Variants in PLEKHA3 observed in about 807,000 individuals in gnomAD.
PLEKHA3 encodes pleckstrin homology domain-containing family A member 3.
In PLEKHA3, 19 loss-of-function variants were observed where a neutral mutation model predicts 39.2. The ratio of observed to expected loss-of-function variants is 0.48; its 90% CI spans 0.34 to 0.71. PLEKHA3 has a LOEUF of 0.71. Ranked by LOEUF, PLEKHA3 falls within the 30% of genes least tolerant of loss-of-function variation. PLEKHA3 has a pLI of 0.01. For missense variants in PLEKHA3, 253 were observed against 359.5 expected (o/e 0.70, Z 2.40); for synonymous variants, 97 against 118.6 (o/e 0.82, Z 1.18).
chr2:178,507,658 G>GTTTTTTTTTTTTTTTTTTTTT lies in PLEKHA3; in HGVS notation c.*3787_*3807dup, dbSNP rs35052196. ...CCTTTAGTTTTTAGTCTCACATTAG[G>GTTTTTTTTTTTTTTTTTTTTT]TTTTTTTTTTTTTTTTTTTTTTTTT... is the stretch of plus-strand genomic sequence containing the variant. On this transcript the variant is annotated 3_prime_UTR_variant, in exon 8 of 8. Coordinates refer to ENST00000234453, the MANE Select transcript of PLEKHA3 (RefSeq NM_019091.4). 2.8e-4 allele frequency: 8 copies of GTTTTTTTTTTTTTTTTTTTTT among 28,816 alleles called. 3 individuals are homozygous for GTTTTTTTTTTTTTTTTTTTTT. Among genetic ancestry groups the GTTTTTTTTTTTTTTTTTTTTT allele is most frequent in the African/African-American group, 4.8e-4 (5 of 10,516 alleles). The allele number at this position is 28,816 out of a possible 1,614,324, so 1.8% of individuals were successfully genotyped here.
At chr2:178,481,966 G>A (rs1685172945) in intron 1 of PLEKHA3, 1 of 153,548 alleles carries the variant, frequency 6.5e-6, no homozygotes. Context: ...CTGATCTTGT[G>A]CAAAATGTGC....
At chr2:178,495,101 G>A (rs1006625592) in intron 4 of PLEKHA3, among the ~76,000 whole-genome samples, 14 of 152,060 alleles carry the variant, frequency 9.2e-5, no homozygotes, top group Admixed American at 9.2e-4. Context: ...TAGAGGGTAG[G>A]CATGAATTGT....
intron 6 of PLEKHA3, among the ~76,000 whole-genome samples, chr2:178,500,557 T>A (rs1685515317): frequency 6.6e-6 from 1 of 152,122 alleles, no homozygotes; most frequent in African/African-American, 2.4e-5. Flanking sequence ...GGTGATTTGC[T>A]TCTCTGTTTA....
rs1685656830 is a variant in PLEKHA3, at chr2:178,509,838, G to A, written c.*5951G>A. 1 of 152,112 alleles carries A rather than the reference G, an allele frequency of 6.6e-6. No individual in the cohort carries two copies. The highest frequency in any genetic ancestry group is 1.5e-5 in the Non-Finnish European group (1 of 68,026). 9.4% of individuals were successfully genotyped at this position (152,112 alleles called of 1,614,324 possible). On this transcript the variant is annotated 3_prime_UTR_variant, in exon 8 of 8. Transcript: ENST00000234453. ...GAGTGAAAATGTTTCACCATAGGAA[G>A]AATTACTAATATATGGGAAAATCTA...
Position 178,503,958 on chromosome 2 carries a change from G to A in PLEKHA3, c.*71G>A, listed in dbSNP as rs182714726. On this transcript the variant is annotated 3_prime_UTR_variant, in exon 8 of 8. Transcript: ENST00000234453. ...CTGCTGTAATTAAACTATTGTTATAGGGAGTAGTTTTTTCCCTTAGGACTC... is the reference window on the plus strand; with the variant it reads ...CTGCTGTAATTAAACTATTGTTATAAGGAGTAGTTTTTTCCCTTAGGACTC... 6.4e-7 allele frequency: 1 copy of A among 1,561,780 alleles called. No homozygotes were observed. Among genetic ancestry groups the A allele is most frequent in the African/African-American group, 1.4e-5 (1 of 73,490 alleles).
At position 178,511,553 on chromosome 2, in the gene PLEKHA3, T is replaced by A. The variant is rs1685685410; in HGVS notation, c.*7666T>A. 6.6e-6 allele frequency: 1 copy of A among 152,176 alleles called. No homozygotes were observed. The highest frequency in any genetic ancestry group is 1.5e-5 in the Non-Finnish European group (1 of 68,030). 9.4% of individuals were successfully genotyped at this position (152,176 alleles called of 1,614,324 possible). Reference sequence around the variant, plus strand: ...CATGCCCAGCTGATGTTTTGTATTTTTACAAAAATTTTTCACCATGTTGGC... The same window carrying A: ...CATGCCCAGCTGATGTTTTGTATTTATACAAAAATTTTTCACCATGTTGGC... On this transcript the variant is annotated 3_prime_UTR_variant, in exon 8 of 8. Coordinates refer to ENST00000234453, the MANE Select transcript of PLEKHA3 (RefSeq NM_019091.4).
At position 178,512,444 on chromosome 2, in the gene PLEKHA3, A is replaced by C. The variant is rs572073308; in HGVS notation, c.*8557A>C. The C allele has an allele frequency of 1.3e-5, 2 of 152,314 alleles. No individual in the cohort carries two copies. The highest frequency in any genetic ancestry group is 3.9e-4 in the East Asian group (2 of 5,184). 9.4% of individuals were successfully genotyped at this position (152,314 alleles called of 1,614,324 possible). A position where few individuals can be genotyped will look rare whatever the true frequency, so the allele number is the denominator to read the frequency against. On this transcript the variant is annotated 3_prime_UTR_variant, in exon 8 of 8. Coordinates refer to ENST00000234453, the MANE Select transcript of PLEKHA3 (RefSeq NM_019091.4). ...TTCCTTCTTCACTTTTACTCTGGCA[A>C]GGTGGGAGGAGGGTGCTGTTGATAA... is the stretch of plus-strand genomic sequence containing the variant.
In PLEKHA3 at chr2:178,507,555, C is replaced by T. The variant is rs944593138; in HGVS notation, c.*3668C>T. On this transcript the variant is annotated 3_prime_UTR_variant, in exon 8 of 8. Coordinates refer to ENST00000234453, the MANE Select transcript of PLEKHA3 (RefSeq NM_019091.4). ...TTGTCATCCTTTAGGGACATTTCTT[C>T]CACAGTCCTTCATCTTCTGCCATTT... 1 of 151,544 alleles carries T rather than the reference C, an allele frequency of 6.6e-6. No homozygotes were observed. The highest frequency in any genetic ancestry group is 1.5e-5 in the Non-Finnish European group (1 of 67,882). 9.4% of individuals were successfully genotyped at this position (151,544 alleles called of 1,614,324 possible).
chr2:178,508,205 C>A lies in PLEKHA3; in HGVS notation c.*4318C>A, dbSNP rs527887667. The A allele has an allele frequency of 2.6e-5, 4 of 153,434 alleles. No homozygotes were observed. The East Asian group carries it at 7.7e-4, about 30-fold the overall frequency. The allele number at this position is 153,434 out of a possible 1,614,324, so 9.5% of individuals were successfully genotyped here. A position where few individuals can be genotyped will look rare whatever the true frequency, so the allele number is the denominator to read the frequency against. On this transcript the variant is annotated 3_prime_UTR_variant, in exon 8 of 8. Transcript: ENST00000234453. ...CGCCTCTAAATTTAAAAAGCTTTTTCTCTCTAGTTGTTCCTTAAGTTATAT... is the reference window on the plus strand; with the variant it reads ...CGCCTCTAAATTTAAAAAGCTTTTTATCTCTAGTTGTTCCTTAAGTTATAT...
At chr2:178,502,431 G>A (rs1445186889) in intron 7 of PLEKHA3, 2 of 404,018 alleles carry the variant, frequency 5.0e-6, no homozygotes, top group African/African-American at 2.2e-5. Flanking sequence ...AGAAGAGGAG[G>A]AGAGGAGGAG....
In PLEKHA3 at chr2:178,493,954, C is replaced by G; in HGVS notation, c.415C>G (p.His139Asp). The G allele has an allele frequency of 1.2e-6, 2 of 1,614,020 alleles. No homozygotes were observed. The change falls in exon 4 of 8, where the codon CAC becomes GAC. Residue 139 changes from histidine (H) to aspartate (D), a missense_variant. Physicochemically the swap from His to Asp is moderately conservative, Grantham distance 81. This residue lies in a region of PLEKHA3 where 126 missense variants were observed against 222.7 expected (regional missense o/e 0.57). Coordinates refer to ENST00000234453, the MANE Select transcript of PLEKHA3 (RefSeq NM_019091.4). ...QQVHTIQEFV[H>D]HDENHSSPSA... is the part of the protein sequence containing the mutation. ...AGTTCATACAATACAGGAATTTGTTCACCATGATGAGAATCATTCATCTCC... is the reference window on the plus strand; with the variant it reads ...AGTTCATACAATACAGGAATTTGTTGACCATGATGAGAATCATTCATCTCC...
intron 2 of PLEKHA3, among the ~76,000 whole-genome samples, chr2:178,489,950 C>CT (rs767939137): frequency 6.6e-6 from 1 of 152,104 alleles, no homozygotes; most frequent in Non-Finnish European, 1.5e-5. Flanking sequence ...TTCTTCCCCT[C>CT]TATCTTCTCT....
intron 1 of PLEKHA3, among the ~76,000 whole-genome samples, chr2:178,482,960 G>C (rs979155264): frequency 3.3e-5 from 5 of 152,174 alleles, no homozygotes; most frequent in Non-Finnish European, 7.3e-5. Context: ...TGATCTTTAA[G>C]TGTAATGATA....
intron 2 of PLEKHA3, chr2:178,488,912 TG>T: frequency 2.3e-6 from 1 of 430,678 alleles, no homozygotes; most frequent in South Asian, 1.8e-5. Flanking sequence ...TTAGAGGTCT[TG>T]TCCATCTTTT....
chr2:178,499,321 C>T, intron 6 of PLEKHA3, 67 bp downstream of exon 6: 1 of 1,493,382 alleles, frequency 6.7e-7, no homozygotes, highest in South Asian at 1.2e-5. Flanking sequence ...TTCTTTGGGC[C>T]TTTAACAAGT....
At chr2:178,503,692 T>A in intron 7 of PLEKHA3, 68 bp from the exon 8 acceptor site, 2 of 1,494,618 alleles carry the variant, frequency 1.3e-6, no homozygotes, top group Non-Finnish European at 1.8e-6. Flanking sequence ...AAATTTAAAA[T>A]GTTCTTTCAC....
rs1325378618 is a variant in PLEKHA3, at chr2:178,514,091, A to T, written c.*10204A>T. 2 of 150,122 alleles carry T rather than the reference A, an allele frequency of 1.3e-5. No individual in the cohort carries two copies. The highest frequency in any genetic ancestry group is 3.0e-5 in the Non-Finnish European group (2 of 67,550). 9.3% of individuals were successfully genotyped at this position (150,122 alleles called of 1,614,324 possible). On this transcript the variant is annotated 3_prime_UTR_variant, in exon 8 of 8. Transcript: ENST00000234453. ...ACAGCTCTCATTTAGCTTATTATTG[A>T]TTTTTTTTTCTTGTTTTGCAGTTGT...
At chr2:178,492,817 G>A (rs1324088602) in intron 3 of PLEKHA3, among the ~76,000 whole-genome samples, 1 of 152,080 alleles carries the variant, frequency 6.6e-6, no homozygotes, top group Non-Finnish European at 1.5e-5. Context: ...AAGACGTTCT[G>A]GAGATGGATG....
At position 178,515,264 on chromosome 2, in the gene PLEKHA3, G is replaced by C. The variant is rs1159671927; in HGVS notation, c.*11377G>C. The C allele has an allele frequency of 6.6e-6, 1 of 151,792 alleles. No individual in the cohort carries two copies. The highest frequency in any genetic ancestry group is 1.5e-5 in the Non-Finnish European group (1 of 68,000). The allele number at this position is 151,792 out of a possible 1,614,324, so 9.4% of individuals were successfully genotyped here. A position where few individuals can be genotyped will look rare whatever the true frequency, so the allele number is the denominator to read the frequency against. ...ACTGTGTGAGTTTTCTTGCCCTCTG[G>C]TTTTCAGAATTCTGTGTAGTTTCTC... On this transcript the variant is annotated 3_prime_UTR_variant, in exon 8 of 8. Transcript: ENST00000234453.
Sources: allele counts gnomAD v4.1 joint callset (sites outside exome capture counted in the v4.1 genomes callset), GRCh38; gene constraint gnomAD v4.1.1; regional missense constraint gnomAD v4.1.1; transcripts MANE v1.5; gene names NCBI Gene and HGNC (gene_info 2026-07-23, HGNC 2026-07-21).